The following TMEM45A variants were observed in gnomAD, a reference collection of about 807,000 sequenced individuals.
TMEM45A encodes DNA polymerase-transactivated protein 4.
Under a neutral mutation model 32.0 loss-of-function variants are expected in TMEM45A, and 25 were observed. The ratio of observed to expected loss-of-function variants is 0.78; its 90% CI spans 0.57 to 1.09. The LOEUF is 1.09. Among genes scored for constraint, TMEM45A ranks in the 50% least tolerant of loss-of-function variants. The pLI is 0.00. For synonymous variants in TMEM45A, 122 were observed against 114.8 expected (o/e 1.06, Z -0.40); for missense variants, 302 against 325.0 (o/e 0.93, Z 0.54).
chr3:100,538,842 A>G (rs1438282018), intron 1 of TMEM45A, among the ~76,000 whole-genome samples: 1 of 152,130 alleles, frequency 6.6e-6, no homozygotes, highest in Non-Finnish European at 1.5e-5. Context: ...TAAAAATACA[A>G]CATCATTTAC....
rs566787747 is a variant in TMEM45A at position 100,510,684 on chromosome 3, G to A, written c.-4+17756G>A. ...ATGATCAAATTACTCTGAGCTACGGGAGGACATTCAAACCAAAGTCAAAGA... is the reference window on the plus strand; with the variant it reads ...ATGATCAAATTACTCTGAGCTACGGAAGGACATTCAAACCAAAGTCAAAGA... On this transcript the variant is annotated intron_variant, in intron 1 of 5. Coordinates refer to ENST00000323523, the MANE Select transcript of TMEM45A (RefSeq NM_018004.3). Among the ~76,000 whole-genome samples, 301 of 152,336 alleles carry A rather than the reference G, an allele frequency of 2.0e-3. 1 individual carries two copies. The highest frequency in any genetic ancestry group is 0.015 in the Admixed American group (228 of 15,306).
intron 1 of TMEM45A, among the ~76,000 whole-genome samples, chr3:100,501,891 C>T (rs940442016): frequency 1.3e-5 from 2 of 152,148 alleles, no homozygotes; most frequent in African/African-American, 2.4e-5. Context: ...CTATCTCGGA[C>T]TCAGAGTTGA....
intron 1 of TMEM45A, among the ~76,000 whole-genome samples, chr3:100,547,625 G>A (rs555670898): frequency 6.6e-6 from 1 of 152,158 alleles, no homozygotes; most frequent in South Asian, 2.1e-4. Context: ...TGCTGACTTG[G>A]GGGTGGCAGA....
intron 5 of TMEM45A, chr3:100,573,912 T>C (rs1268622604): frequency 1.3e-5 from 2 of 152,176 alleles, no homozygotes; most frequent in East Asian, 3.8e-4. Context: ...TATTGATTTG[T>C]GTATGTTGAA....
chr3:100,512,081 C>T (rs1442483709), intron 1 of TMEM45A, among the ~76,000 whole-genome samples: 3 of 152,136 alleles, frequency 2.0e-5, no homozygotes, highest in African/African-American at 7.2e-5. Context: ...AGAAAGTCAA[C>T]AAGGATACCC....
chr3:100,497,523 A>G (rs764129024), intron 1 of TMEM45A, among the ~76,000 whole-genome samples: 1 of 152,174 alleles, frequency 6.6e-6, no homozygotes, highest in Non-Finnish European at 1.5e-5. Flanking sequence ...CATCTTCCCA[A>G]ACTGAAACTT....
chr3:100,514,309 A>T (rs1402858991), intron 1 of TMEM45A, among the ~76,000 whole-genome samples: 1 of 152,220 alleles, frequency 6.6e-6, no homozygotes, highest in Non-Finnish European at 1.5e-5. Context: ...CAGAGCCCTC[A>T]GAAATAACGC....
intron 1 of TMEM45A, among the ~76,000 whole-genome samples, chr3:100,511,072 T>A (rs946014836): frequency 4.6e-5 from 7 of 152,092 alleles, no homozygotes; most frequent in Non-Finnish European, 8.8e-5. Context: ...CAGGAGAACT[T>A]CCCCAATCTA....
intron 1 of TMEM45A, among the ~76,000 whole-genome samples, 189 bp downstream of exon 1, chr3:100,493,117 A>ATT (rs1707870628): frequency 1.1e-5 from 1 of 87,456 alleles, no homozygotes; most frequent in African/African-American, 4.7e-5. Flanking sequence ...TTGGTTTGCT[A>ATT]TTCTTTTTTT....
chr3:100,568,846 A>T lies in TMEM45A; in HGVS notation c.613A>T (p.Ser205Cys), dbSNP rs1346280628. ...FQIGFVLYPP[S>C]GGPAWDLMDH... ...GATTGGATTTGTCCTGTATCCCCCC[A>T]GTGGAGGTCCTGCATGGGATCTGAT... The change falls in exon 5 of 6, where the codon AGT becomes TGT. Residue 205 changes from serine to cysteine, a missense_variant. Coordinates refer to ENST00000323523, the MANE Select transcript of TMEM45A (RefSeq NM_018004.3). The T allele has an allele frequency of 2.4e-5, 39 of 1,613,266 alleles. No individual in the cohort carries two copies. The highest frequency in any genetic ancestry group is 3.1e-5 in the Non-Finnish European group (36 of 1,179,380).
In TMEM45A at chr3:100,495,623, C is replaced by A. The variant is rs114419548; in HGVS notation, c.-4+2695C>A. Among the ~76,000 whole-genome samples, 1,201 of 152,278 alleles carry A rather than the reference C, an allele frequency of 7.9e-3. 18 individuals carry two copies. The highest frequency in any genetic ancestry group is 0.027 in the African/African-American group (1,141 of 41,548). ...AAGAGGTGTTTCTGGAATAATCCATCTCTGGGGTCCTGTCTTCTCTCTTGC... is the reference window on the plus strand; with the variant it reads ...AAGAGGTGTTTCTGGAATAATCCATATCTGGGGTCCTGTCTTCTCTCTTGC... On this transcript the variant is annotated intron_variant, in intron 1 of 5. Transcript: ENST00000323523.
intron 1 of TMEM45A, among the ~76,000 whole-genome samples, chr3:100,521,384 G>A (rs1333579297): frequency 2.6e-5 from 4 of 151,960 alleles, no homozygotes; most frequent in Admixed American, 6.5e-5. Context: ...CTCCCAAGTA[G>A]CTGGGATTAC....
intron 1 of TMEM45A, among the ~76,000 whole-genome samples, chr3:100,493,771 G>A (rs763676022): frequency 3.9e-5 from 6 of 152,072 alleles, no homozygotes; most frequent in Middle Eastern, 6.8e-3. Flanking sequence ...CACTCTTGTC[G>A]CCAAGGCTGG....
intron 1 of TMEM45A, among the ~76,000 whole-genome samples, chr3:100,542,289 G>A (rs1382700994): frequency 6.6e-6 from 1 of 152,072 alleles, no homozygotes; most frequent in Non-Finnish European, 1.5e-5. Flanking sequence ...CTATGAACGT[G>A]GAATGTTTTT....
rs561880963 is a variant in TMEM45A, at chr3:100,569,339, A to G, written c.734+372A>G. On this transcript the variant is annotated intron_variant, in intron 5 of 5. Coordinates refer to ENST00000323523, the MANE Select transcript of TMEM45A (RefSeq NM_018004.3). ...CATGTGTAGATACTTCAATTATAGC[A>G]CTTCTTAAGCTTCGAGTCCTTTTTT... is the stretch of plus-strand genomic sequence containing the variant. Among the ~76,000 whole-genome samples the G allele has an allele frequency of 4.3e-4, 66 of 151,952 alleles. No individual in the cohort carries two copies. In the South Asian group the frequency reaches 4.4e-3, roughly 10 times the overall value.
intron 1 of TMEM45A, among the ~76,000 whole-genome samples, chr3:100,500,612 G>T (rs1159549891): frequency 6.6e-6 from 1 of 152,148 alleles, no homozygotes; most frequent in Admixed American, 6.5e-5. Flanking sequence ...GAGAAAGCTC[G>T]GAAGACAACA....
chr3:100,505,551 T>C (rs547760737), intron 1 of TMEM45A, among the ~76,000 whole-genome samples: 113 of 152,230 alleles, frequency 7.4e-4, no homozygotes, highest in Non-Finnish European at 1.2e-3. Flanking sequence ...CAGGTGATTC[T>C]GGCATAGGTG....
intron 1 of TMEM45A, among the ~76,000 whole-genome samples, chr3:100,512,363 C>A (rs1708180741): frequency 6.6e-6 from 1 of 152,140 alleles, no homozygotes; most frequent in Non-Finnish European, 1.5e-5. Context: ...ACAACCTGCT[C>A]CTGAATGACT....
At chr3:100,535,933 A>G (rs993831730) in intron 1 of TMEM45A, among the ~76,000 whole-genome samples, 2 of 152,168 alleles carry the variant, frequency 1.3e-5, no homozygotes, top group Admixed American at 1.3e-4. Flanking sequence ...TTTTTTCCTA[A>G]GAGAAAAGGG....
Sources: gnomAD v4.1 joint callset for allele counts (sites outside exome capture counted in the v4.1 genomes callset) on GRCh38, gnomAD v4.1.1 for gene constraint, MANE v1.5 for transcripts, NCBI Gene and HGNC (gene_info 2026-07-23, HGNC 2026-07-21) for gene names.